ZCCHC10: variants seen among roughly 807,000 people sequenced by gnomAD.
ZCCHC10 encodes zinc finger CCHC domain-containing protein 10.
Under a neutral mutation model 19.5 loss-of-function variants are expected in ZCCHC10, and 16 were observed. That is an observed-to-expected ratio of 0.82 (90% CI 0.56 to 1.25). The LOEUF (loss-of-function observed/expected upper bound fraction) is 1.25. Ranked by LOEUF, ZCCHC10 falls within the 50% of genes most tolerant of loss-of-function variation. The pLI is 0.00. For missense variants in ZCCHC10, 197 were observed against 201.0 expected, an observed-to-expected ratio of 0.98 and a Z score of 0.12; for synonymous variants, 67 against 72.5, an observed-to-expected ratio of 0.92 and a Z score of 0.38.
At chr5:133,021,032 G>A (rs1764272201) in intron 2 of ZCCHC10, among the ~76,000 whole-genome samples, 1 of 152,162 alleles carries the variant, frequency 6.6e-6, no homozygotes, top group Non-Finnish European at 1.5e-5. Flanking sequence ...GAGTAGCTGG[G>A]ACTACAGGCA....
At chr5:133,018,289 T>C (rs1475286867) in intron 2 of ZCCHC10, among the ~76,000 whole-genome samples, 2 of 151,884 alleles carry the variant, frequency 1.3e-5, no homozygotes, top group African/African-American at 4.8e-5. Flanking sequence ...CATAGCTATA[T>C]GATCTTCAGC....
chr5:133,006,703 TA>T, intron 3 of ZCCHC10, 55 bp downstream of exon 3: 6 of 1,488,592 alleles, frequency 4.0e-6, no homozygotes, highest in Non-Finnish European at 5.4e-6. Flanking sequence ...GGTCCTTTAA[TA>T]AATTCTATAT....
intron 1 of ZCCHC10, among the ~76,000 whole-genome samples, chr5:133,024,604 G>C (rs1289618841): frequency 1.3e-5 from 2 of 152,102 alleles, no homozygotes; most frequent in African/African-American, 2.4e-5. Flanking sequence ...TTTGATCTCA[G>C]AATTGTCTGA....
intron 2 of ZCCHC10, among the ~76,000 whole-genome samples, chr5:133,007,588 G>GTC (rs1175501959): frequency 1.3e-5 from 2 of 151,144 alleles, no homozygotes; most frequent in African/African-American, 4.9e-5. Flanking sequence ...TCCCTGCACA[G>GTC]TCTCTCTCTC....
In ZCCHC10 at chr5:133,020,892, T is replaced by C. The variant is rs143212287; in HGVS notation, c.107+1949A>G. Among the ~76,000 whole-genome samples, 880 of 151,230 alleles carry C rather than the reference T, an allele frequency of 5.8e-3. 11 individuals carry two copies. Among genetic ancestry groups the C allele is most frequent in the African/African-American group, 0.02 (829 of 41,196 alleles). ...CCCGCCACCATGCCCGGCTAATTTT[T>C]TGTATTTATTATTTTTTTTTTCTGA... is the stretch of plus-strand genomic sequence containing the variant. On this transcript the variant is annotated intron_variant, in intron 2 of 4. Coordinates refer to ENST00000509437, the MANE Select transcript of ZCCHC10 (RefSeq NM_001300816.3).
chr5:133,024,495 T>C (rs1283785975), intron 1 of ZCCHC10, among the ~76,000 whole-genome samples: 1 of 152,206 alleles, frequency 6.6e-6, no homozygotes. Context: ...TATCCAAATA[T>C]GGAGCCAACA....
At chr5:133,003,533 C>A (rs568966155) in intron 3 of ZCCHC10, among the ~76,000 whole-genome samples, 19 of 151,958 alleles carry the variant, frequency 1.3e-4, no homozygotes, top group Non-Finnish European at 1.8e-4. Context: ...TGAAAAAAAA[C>A]CCAAAAAACC....
At chr5:133,011,570 G>C (rs1763526576) in intron 2 of ZCCHC10, 1 of 140,666 alleles carries the variant, frequency 7.1e-6, no homozygotes, top group African/African-American at 2.7e-5. Flanking sequence ...AGGATGCAGT[G>C]AGCCAAGATC....
chr5:133,011,117 AT>A (rs928177205), intron 2 of ZCCHC10, among the ~76,000 whole-genome samples: 14 of 149,784 alleles, frequency 9.3e-5, no homozygotes, highest in Middle Eastern at 3.4e-3. Context: ...ATTTAAAAAT[AT>A]TTTTTTTTTC....
intron 4 of ZCCHC10, among the ~76,000 whole-genome samples, chr5:132,999,257 A>G (rs973197502): frequency 2.0e-5 from 3 of 152,162 alleles, no homozygotes; most frequent in African/African-American, 7.2e-5. Context: ...ATATATGCTT[A>G]TATATTGAAG....
intron 2 of ZCCHC10, among the ~76,000 whole-genome samples, chr5:133,021,063 A>AT (rs538897890): frequency 0.02 from 3,095 of 152,150 alleles, 111 homozygotes; most frequent in African/African-American, 0.071. Context: ...TGCCCGGCTA[A>AT]TTTTTTGTAT....
chr5:133,000,015 T>G, intron 4 of ZCCHC10, 117 bp downstream of exon 4: 1 of 1,182,660 alleles, frequency 8.5e-7, no homozygotes, highest in South Asian at 1.5e-5. Flanking sequence ...CCCAAAGTGC[T>G]GGGATTATAG....
At chr5:133,009,834 C>T (rs1322912705) in intron 2 of ZCCHC10, among the ~76,000 whole-genome samples, 1 of 151,806 alleles carries the variant, frequency 6.6e-6, no homozygotes, top group Non-Finnish European at 1.5e-5. Context: ...CTTCTAGTTA[C>T]CTAGAAGACT....
intron 2 of ZCCHC10, among the ~76,000 whole-genome samples, chr5:133,014,973 T>C (rs1399955401): frequency 6.6e-6 from 1 of 152,200 alleles, no homozygotes; most frequent in East Asian, 1.9e-4. Flanking sequence ...TACTTCTCAT[T>C]GTATCCTATC....
chr5:133,026,510 C>T lies in ZCCHC10; in HGVS notation c.28G>A (p.Ala10Thr), dbSNP rs143508297. MATPMHRLIARRQAFDTELQ... is the reference protein window; with the variant it reads MATPMHRLITRRQAFDTELQ... ...ATCCTTACTTACGCTTGTCTCCGGG[C>T]TATTAGCCGATGCATGGGAGTCGCC... is the stretch of plus-strand genomic sequence containing the variant. Residue 10 changes from alanine to threonine, a missense_variant, in exon 1 of 5, where the codon GCC becomes ACC. Transcript: ENST00000509437. 115 of 1,613,708 alleles carry T rather than the reference C, an allele frequency of 7.1e-5. No homozygotes were observed. Among genetic ancestry groups the T allele is most frequent in the Middle Eastern group, 3.3e-4 (2 of 6,084 alleles).
At chr5:133,006,672 G>T (rs774403590) in intron 3 of ZCCHC10, 87 bp downstream of exon 3, 121 of 1,276,398 alleles carry the variant, frequency 9.5e-5, no homozygotes, top group Non-Finnish European at 1.2e-4. Flanking sequence ...TTAAAATCTG[G>T]AGAACCACCA....
At chr5:133,010,322 T>C (rs1484657606) in intron 2 of ZCCHC10, among the ~76,000 whole-genome samples, 41 of 152,176 alleles carry the variant, frequency 2.7e-4, no homozygotes. Flanking sequence ...GTGCTAGGAT[T>C]ACAGGTGTGA....
At chr5:133,001,741 G>C (rs1349737031) in intron 3 of ZCCHC10, among the ~76,000 whole-genome samples, 1 of 152,024 alleles carries the variant, frequency 6.6e-6, no homozygotes, top group Non-Finnish European at 1.5e-5. Context: ...ACAAGTGTGA[G>C]CCACCACACA....
chr5:133,002,239 G>A (rs776108638), intron 3 of ZCCHC10, among the ~76,000 whole-genome samples: 1 of 152,056 alleles, frequency 6.6e-6, no homozygotes, highest in Non-Finnish European at 1.5e-5. Flanking sequence ...GGGATTGCAG[G>A]TGTGAGCCAA....
Sources: gnomAD v4.1 joint callset for allele counts (sites outside exome capture counted in the v4.1 genomes callset) on GRCh38, gnomAD v4.1.1 for gene constraint, MANE v1.5 for transcripts, NCBI Gene and HGNC (gene_info 2026-07-23, HGNC 2026-07-21) for gene names.